RAB7A: variants seen among roughly 807,000 people sequenced by gnomAD.
RAB7A encodes the protein ras-related protein Rab-7a.
Under a neutral mutation model 24.5 loss-of-function variants are expected in RAB7A, and 2 were observed. The observed-to-expected ratio is 0.08, with a 90% CI of 0.03 to 0.26. The LOEUF is 0.26. RAB7A is among the 10% of genes least tolerant of loss of function. RAB7A has a pLI of 1.00. For synonymous variants in RAB7A, 100 were observed against 95.9 expected, an observed-to-expected ratio of 1.04 and a Z score of -0.25; for missense variants, 118 against 255.7, an observed-to-expected ratio of 0.46 and a Z score of 3.67.
intron 3 of RAB7A, chr3:128,798,363 A>G (rs538550950): frequency 5.6e-6 from 2 of 356,730 alleles, no homozygotes; most frequent in South Asian, 2.4e-5. Flanking sequence ...GTTGTTTGCT[A>G]AATTTGGCAA....
intron 1 of RAB7A, among the ~76,000 whole-genome samples, chr3:128,738,892 T>C (rs1315040254): frequency 6.6e-6 from 1 of 152,220 alleles, no homozygotes; most frequent in African/African-American, 2.4e-5. Context: ...AGCTGTAGGA[T>C]TGTAGAAGCT....
intron 1 of RAB7A, among the ~76,000 whole-genome samples, chr3:128,752,275 A>G (rs943969703): frequency 6.6e-6 from 1 of 152,224 alleles, no homozygotes; most frequent in Non-Finnish European, 1.5e-5. Context: ...AACAATACTA[A>G]TAATGCTAAC....
intron 1 of RAB7A, among the ~76,000 whole-genome samples, chr3:128,777,301 T>A (rs563619494): frequency 1.3e-5 from 2 of 152,200 alleles, no homozygotes; most frequent in African/African-American, 2.4e-5. Flanking sequence ...TCAAGTGATC[T>A]TCCCACTTCA....
intron 1 of RAB7A, among the ~76,000 whole-genome samples, chr3:128,750,215 G>A (rs2107590832): frequency 6.6e-6 from 1 of 152,166 alleles, no homozygotes; most frequent in East Asian, 1.9e-4. Flanking sequence ...GAAATTTGTA[G>A]AACTTTTAAC....
intron 1 of RAB7A, among the ~76,000 whole-genome samples, chr3:128,773,063 G>A (rs1299977646): frequency 6.6e-6 from 1 of 152,096 alleles, no homozygotes; most frequent in Admixed American, 6.5e-5. Flanking sequence ...CGTCTGGGAT[G>A]CGAGGAGCCC....
At chr3:128,743,902 C>T (rs1265606774) in intron 1 of RAB7A, among the ~76,000 whole-genome samples, 2 of 151,434 alleles carry the variant, frequency 1.3e-5, no homozygotes, top group Non-Finnish European at 2.9e-5. Flanking sequence ...CGATTCTCCT[C>T]CTCAGCCTCC....
chr3:128,787,843 T>C (rs900709784), intron 1 of RAB7A, among the ~76,000 whole-genome samples: 2 of 152,232 alleles, frequency 1.3e-5, no homozygotes, highest in African/African-American at 2.4e-5. Flanking sequence ...GCCGAGTAAC[T>C]GGGACTTACA....
intron 1 of RAB7A, among the ~76,000 whole-genome samples, chr3:128,793,616 G>C (rs2107610249): frequency 6.6e-6 from 1 of 152,276 alleles, no homozygotes; most frequent in Non-Finnish European, 1.5e-5. Context: ...CCAGACCTTA[G>C]AGTGTGACAT....
rs934495074 is a variant in RAB7A at position 128,764,447 on chromosome 3, G to A, written c.-8-30913G>A. On this transcript the variant is annotated intron_variant, in intron 1 of 5. Transcript: ENST00000265062. ...ACCAGGGAATTCGCCCCATGGCTATGGGGAAATTAGCCTGAGGCTTAGTTT... is the reference window on the plus strand; with the variant it reads ...ACCAGGGAATTCGCCCCATGGCTATAGGGAAATTAGCCTGAGGCTTAGTTT... 25 of 757,162 alleles carry A rather than the reference G, an allele frequency of 3.3e-5. No individual in the cohort carries two copies. In the African/African-American group the frequency reaches 4.2e-4, roughly 13 times the overall value. The allele number at this position is 757,162 out of a possible 1,614,324, so 46.9% of individuals were successfully genotyped here.
In RAB7A at chr3:128,814,271, A is replaced by G. The variant is rs1576307229; in HGVS notation, c.*849A>G. The stretch of plus-strand genomic sequence containing the variant: ...TTTATCAAAGACTTAAGAGCCAAAA[A>G]GCTTTTCATCTCTCCAGGGGGAAAA... On this transcript the variant is annotated 3_prime_UTR_variant, in exon 6 of 6. Transcript: ENST00000265062. 1 of 153,056 alleles carries G rather than the reference A, an allele frequency of 6.5e-6. No individual in the cohort carries two copies. Among genetic ancestry groups the G allele is most frequent in the Admixed American group, 6.5e-5 (1 of 15,294 alleles). 9.5% of individuals were successfully genotyped at this position (153,056 alleles called of 1,614,324 possible).
At chr3:128,768,969 C>CTTTTTTTTTTTTTTTTTTT (rs35457218) in intron 1 of RAB7A, among the ~76,000 whole-genome samples, 1 of 72,606 alleles carries the variant, frequency 1.4e-5, no homozygotes, top group Non-Finnish European at 2.4e-5. Context: ...TCTTTCTTTC[C>CTTTTTTTTTTTTTTTTTTT]TTTTTTTTTT....
At chr3:128,734,308 G>C (rs1400036740) in intron 1 of RAB7A, among the ~76,000 whole-genome samples, 1 of 151,976 alleles carries the variant, frequency 6.6e-6, no homozygotes, top group Non-Finnish European at 1.5e-5. Flanking sequence ...GTGGGCACTT[G>C]TAATTCCAGC....
Position 128,726,298 on chromosome 3 carries a change from C to T in RAB7A, c.-70C>T, listed in dbSNP as rs2070377217. 6.6e-6 allele frequency: 1 copy of T among 152,218 alleles called. No individual in the cohort carries two copies. Among genetic ancestry groups the T allele is most frequent in the Non-Finnish European group, 1.5e-5 (1 of 68,000 alleles). 9.4% of individuals were successfully genotyped at this position (152,218 alleles called of 1,614,324 possible). On this transcript the variant is annotated 5_prime_UTR_variant, in exon 1 of 6. Transcript: ENST00000265062. ...TTCTCGCTTCTGTCCTCCGTTTAGT[C>T]TCCTCCTCGGCGGGAGCCCTCGCGA...
At chr3:128,798,191 T>C (rs1307682866) in intron 3 of RAB7A, 122 bp downstream of exon 3, 3 of 1,323,738 alleles carry the variant, frequency 2.3e-6, no homozygotes, top group Non-Finnish European at 3.2e-6. Flanking sequence ...TTGTAGATAA[T>C]TGGCTGATAC....
intron 1 of RAB7A, among the ~76,000 whole-genome samples, chr3:128,788,805 G>A (rs988789916): frequency 2.0e-5 from 3 of 151,934 alleles, no homozygotes; most frequent in African/African-American, 4.8e-5. Flanking sequence ...TCTGACCACC[G>A]ACCTCTGCCC....
intron 1 of RAB7A, among the ~76,000 whole-genome samples, chr3:128,752,113 A>G (rs1457913576): frequency 7.3e-6 from 1 of 136,748 alleles, no homozygotes; most frequent in Non-Finnish European, 1.5e-5. Context: ...CAGCATGAAA[A>G]CAGATTAATA....
chr3:128,727,540 A>T (rs549025695), intron 1 of RAB7A, among the ~76,000 whole-genome samples: 1 of 152,198 alleles, frequency 6.6e-6, no homozygotes, highest in Non-Finnish European at 1.5e-5. Flanking sequence ...CTTATCACAC[A>T]TATTGTGGTG....
At chr3:128,731,300 G>A (rs1184296604) in intron 1 of RAB7A, among the ~76,000 whole-genome samples, 1 of 152,130 alleles carries the variant, frequency 6.6e-6, no homozygotes, top group African/African-American at 2.4e-5. Context: ...GAAAAATAGT[G>A]TCCCTTATAT....
intron 1 of RAB7A, among the ~76,000 whole-genome samples, chr3:128,737,593 G>C (rs1272351983): frequency 6.7e-6 from 1 of 149,266 alleles, no homozygotes; most frequent in Non-Finnish European, 1.5e-5. Flanking sequence ...CAATCTGCTT[G>C]CCTCAGCCTC....
Sources: gnomAD v4.1 joint callset for allele counts (sites outside exome capture counted in the v4.1 genomes callset) on GRCh38, gnomAD v4.1.1 for gene constraint, MANE v1.5 for transcripts, NCBI Gene and HGNC (gene_info 2026-07-23, HGNC 2026-07-21) for gene names.